Variants in RHBDL2 observed in about 807,000 individuals in gnomAD.
The protein encoded by RHBDL2 is rhomboid-related protein 2.
In RHBDL2, 26 loss-of-function variants were observed where a neutral mutation model predicts 31.7. The observed-to-expected ratio is 0.82, with a 90% confidence interval of 0.60 to 1.14. RHBDL2 has a LOEUF of 1.14. Ranked by LOEUF, RHBDL2 falls within the 50% of genes most tolerant of loss-of-function variation. RHBDL2 has a pLI of 0.00. For synonymous variants in RHBDL2, 123 were observed against 127.2 expected (o/e 0.97, Z 0.22); for missense variants, 336 against 364.4 (o/e 0.92, Z 0.63).
chr1:38,915,825 T>C (rs891122945), intron 2 of RHBDL2, 115 bp from the exon 3 acceptor site: 10 of 908,632 alleles, frequency 1.1e-5, no homozygotes, highest in South Asian at 1.5e-5. Flanking sequence ...GGCCACACCA[T>C]AGTGCCAGAA....
At chr1:38,899,997 G>GA (rs1642969287) in intron 4 of RHBDL2, among the ~76,000 whole-genome samples, 1 of 152,176 alleles carries the variant, frequency 6.6e-6, no homozygotes, top group African/African-American at 2.4e-5. Context: ...ATGTGTACTG[G>GA]AAAATGCCAT....
At chr1:38,910,798 G>A (rs1183152596) in intron 4 of RHBDL2, among the ~76,000 whole-genome samples, 2 of 139,706 alleles carry the variant, frequency 1.4e-5, no homozygotes, top group Non-Finnish European at 3.0e-5. Flanking sequence ...TTGAGACAGA[G>A]TCTCGCTCTG....
chr1:38,887,865 T>G, intron 7 of RHBDL2, 98 bp downstream of exon 7: 1 of 823,598 alleles, frequency 1.2e-6, no homozygotes, highest in Non-Finnish European at 2.0e-6. Flanking sequence ...CAAATGGAAA[T>G]TTGGCTGCCC....
At chr1:38,932,232 T>TAA (rs769452113) in intron 1 of RHBDL2, among the ~76,000 whole-genome samples, 190 of 141,434 alleles carry the variant, frequency 1.3e-3, no homozygotes, top group African/African-American at 4.8e-3. Context: ...TTGCCTGATT[T>TAA]AAAAAAAAAA....
At position 38,941,650 on chromosome 1, in the gene RHBDL2, C is replaced by A. The variant is rs115669356; in HGVS notation, c.-126+32G>T. 3.4e-3 allele frequency: 526 copies of A among 152,796 alleles called. 5 individuals are homozygous for A. Among genetic ancestry groups the A allele is most frequent in the African/African-American group, 0.012 (498 of 41,564 alleles). 9.5% of individuals were successfully genotyped at this position (152,796 alleles called of 1,614,324 possible). On this transcript the variant is annotated intron_variant, in intron 1 of 7. Coordinates refer to ENST00000372990, the MANE Select transcript of RHBDL2 (RefSeq NM_017821.5). Reference sequence around the variant, plus strand: ...CGCCCCCTTGTCCTGACATAGGACTCCCTCCACTCCCTCCCAGCTCCCACA... The same window carrying A: ...CGCCCCCTTGTCCTGACATAGGACTACCTCCACTCCCTCCCAGCTCCCACA...
At chr1:38,916,293 C>T (rs1026859366) in intron 2 of RHBDL2, among the ~76,000 whole-genome samples, 9 of 152,102 alleles carry the variant, frequency 5.9e-5, no homozygotes, top group Admixed American at 2.6e-4. Flanking sequence ...AGTTAAATCA[C>T]GAGAAAAGCA....
rs866594691 is a variant in RHBDL2 at position 38,934,686 on chromosome 1, G to T, written c.-126+6996C>A. Among the ~76,000 whole-genome samples, 11 of 148,654 alleles carry T rather than the reference G, an allele frequency of 7.4e-5. No individual in the cohort carries two copies. In the South Asian group the frequency reaches 2.1e-3, roughly 29 times the overall value. On this transcript the variant is annotated intron_variant, in intron 1 of 7. Coordinates refer to ENST00000372990, the MANE Select transcript of RHBDL2 (RefSeq NM_017821.5). Reference sequence around the variant, plus strand: ...AAAAAAAAAAAAAATGGCTGGGCGCGGTGGCTCACACTTATAATCCCAGCA... The same window carrying T: ...AAAAAAAAAAAAAATGGCTGGGCGCTGTGGCTCACACTTATAATCCCAGCA...
chr1:38,940,944 G>A (rs1643553430), intron 1 of RHBDL2, among the ~76,000 whole-genome samples: 1 of 152,128 alleles, frequency 6.6e-6, no homozygotes, highest in Non-Finnish European at 1.5e-5. Flanking sequence ...AGGTAAACAG[G>A]AGATATGGGA....
At chr1:38,906,951 T>C (rs565118322) in intron 4 of RHBDL2, among the ~76,000 whole-genome samples, 31 of 152,288 alleles carry the variant, frequency 2.0e-4, no homozygotes, top group African/African-American at 6.7e-4. Context: ...TTAAAACAGC[T>C]ACAATTTTCA....
At chr1:38,887,742 T>C (rs1010897646) in intron 7 of RHBDL2, among the ~76,000 whole-genome samples, 1 of 152,250 alleles carries the variant, frequency 6.6e-6, no homozygotes, top group East Asian at 1.9e-4. Context: ...TGTTTTGGAA[T>C]AGCTACCAAT....
chr1:38,936,357 G>A (rs1055596357), intron 1 of RHBDL2, among the ~76,000 whole-genome samples: 5 of 152,024 alleles, frequency 3.3e-5, no homozygotes, highest in African/African-American at 1.2e-4. Flanking sequence ...TGCCCAGGCT[G>A]GAATGCAGTG....
At chr1:38,929,298 C>T (rs1424756952) in intron 1 of RHBDL2, 1 of 806,996 alleles carries the variant, frequency 1.2e-6, no homozygotes, top group Non-Finnish European at 1.8e-6. Context: ...TTCCCACCAT[C>T]CCCACTGCTA....
intron 4 of RHBDL2, among the ~76,000 whole-genome samples, chr1:38,909,970 G>A (rs763945075): frequency 3.9e-5 from 6 of 152,104 alleles, no homozygotes; most frequent in Non-Finnish European, 8.8e-5. Context: ...TGAGTGAATG[G>A]TTAAACAAGC....
chr1:38,897,246 G>A (rs1242076600), intron 4 of RHBDL2, among the ~76,000 whole-genome samples: 3 of 152,050 alleles, frequency 2.0e-5, no homozygotes, highest in Middle Eastern at 3.4e-3. Flanking sequence ...GACTACAGGC[G>A]CCCGCCACCA....
At chr1:38,925,881 C>T (rs756913909) in intron 1 of RHBDL2, 2 of 1,118,360 alleles carry the variant, frequency 1.8e-6, no homozygotes, top group Non-Finnish European at 2.4e-6. Context: ...AGGCCTGGCT[C>T]ACTAACAGGC....
At chr1:38,926,258 T>G (rs1039150500) in intron 1 of RHBDL2, 1 of 1,041,140 alleles carries the variant, frequency 9.6e-7, no homozygotes, top group Non-Finnish European at 1.2e-6. Flanking sequence ...CCAGACGCCT[T>G]GCCACTGGGG....
At chr1:38,933,116 TC>T (rs1643456403) in intron 1 of RHBDL2, among the ~76,000 whole-genome samples, 1 of 152,196 alleles carries the variant, frequency 6.6e-6, no homozygotes, top group South Asian at 2.1e-4. Context: ...ATGACCTAGC[TC>T]CTACCTTCTT....
rs1044625797 is a variant in RHBDL2 at position 38,897,542 on chromosome 1, G to A, written c.509-1473C>T. 5.9e-5 allele frequency among the ~76,000 whole-genome samples: 9 copies of A among 151,982 alleles called. No homozygotes were observed. In the South Asian group the frequency reaches 8.3e-4, roughly 14 times the overall value. ...CAACCCGGGCCACAGAGTGATATCC[G>A]TCTCCAAAAATATAAGAAAAATATT... On this transcript the variant is annotated intron_variant, in intron 4 of 7. Transcript: ENST00000372990.
chr1:38,918,589 C>A (rs1466466933), intron 2 of RHBDL2, among the ~76,000 whole-genome samples: 1 of 152,170 alleles, frequency 6.6e-6, no homozygotes, highest in Non-Finnish European at 1.5e-5. Flanking sequence ...CACTTCTAAA[C>A]CTGGGGTCCC....
Sources: allele counts gnomAD v4.1 joint callset (sites outside exome capture counted in the v4.1 genomes callset), GRCh38; gene constraint gnomAD v4.1.1; transcripts MANE v1.5; gene names NCBI Gene and HGNC (gene_info 2026-07-23, HGNC 2026-07-21).